DISP3: variants seen among roughly 807,000 people sequenced by gnomAD.
The protein encoded by DISP3 is protein dispatched homolog 3.
DISP3 carries 101 observed loss-of-function variants against 135.3 expected under a neutral mutation model. The ratio of observed to expected loss-of-function variants is 0.75; its 90% CI spans 0.64 to 0.88. The LOEUF is 0.88. Among genes scored for constraint, DISP3 ranks in the 40% least tolerant of loss-of-function variants. The pLI, the probability that DISP3 is intolerant of heterozygous loss-of-function variation, is 0.00. For synonymous variants in DISP3, 856 were observed against 817.0 expected (o/e 1.05, Z -0.81); for missense variants, 1,713 against 1,878.6 (o/e 0.91, Z 1.63).
At position 11,531,463 on chromosome 1, in the gene DISP3, T is replaced by G. The variant is rs905480525; in HGVS notation, c.3230-102T>G. ...TGCCGTTGCCAATGGTTACAAGCAC[T>G]CTAAGCCTCAGAGGTATGTGAGTGC... On this transcript the variant is annotated intron_variant, in intron 16 of 20. Transcript: ENST00000294484. The surrounding 1 kb of genome is among the most constrained non-coding windows in gnomAD (Gnocchi z 5.2). 30 of 1,538,838 alleles carry G rather than the reference T, an allele frequency of 1.9e-5. No homozygotes were observed. The Admixed American group carries it at 3.4e-4, about 18-fold the overall frequency.
At chr1:11,493,426 T>G (rs1039931699) in intron 1 of DISP3, among the ~76,000 whole-genome samples, 2 of 152,196 alleles carry the variant, frequency 1.3e-5, no homozygotes, top group African/African-American at 4.8e-5. Flanking sequence ...TGTGTACTGA[T>G]GCTGATCTTA....
intron 1 of DISP3, among the ~76,000 whole-genome samples, chr1:11,490,561 G>C (rs1370637020): frequency 2.6e-5 from 4 of 152,198 alleles, no homozygotes; most frequent in Non-Finnish European, 4.4e-5. Context: ...GAGCCACCGT[G>C]ACCGGCCATG....
chr1:11,515,851 G>A (rs1189935148), intron 5 of DISP3, 150 bp from the exon 6 acceptor site: 11 of 943,736 alleles, frequency 1.2e-5, no homozygotes, highest in Admixed American at 1.1e-4. Flanking sequence ...GAGCCAATCA[G>A]AGGGGTCTCT....
chr1:11,502,685 G>A lies in DISP3; in HGVS notation c.1104G>A (p.Leu368=). 1 of 1,613,858 alleles carries A rather than the reference G, an allele frequency of 6.2e-7. No homozygotes were observed. The highest frequency in any genetic ancestry group is 8.5e-7 in the Non-Finnish European group (1 of 1,179,878). ...GQDLADIRGS[L]ELAMTHPEFY... is the part of the protein sequence containing the mutation. ...CCACCCCTGTCCTTGCAGGCTCCCT[G>A]GAGCTGGCCATGACTCACCCTGAGT... Residue 368 remains leucine, a synonymous_variant, in exon 3 of 21, where the codon CTG becomes CTA. Coordinates refer to ENST00000294484, the MANE Select transcript of DISP3 (RefSeq NM_020780.2).
rs1642139567 is a variant in DISP3, at chr1:11,520,076, G to A, written c.2200+196G>A. Among the ~76,000 whole-genome samples the A allele has an allele frequency of 6.6e-6, 1 of 152,206 alleles. No individual in the cohort carries two copies. The highest frequency in any genetic ancestry group is 2.1e-4 in the South Asian group (1 of 4,832). On this transcript the variant is annotated intron_variant, in intron 9 of 20. Transcript: ENST00000294484. The surrounding 1 kb of genome is among the most constrained non-coding windows in gnomAD (Gnocchi z 4.8). ...GCTGTTACTCATTGGCCCCTGCTGT[G>A]TGCCAGCCACTCACACTGGGCAGTA...
chr1:11,532,040 C>G (rs1437848254), intron 17 of DISP3, among the ~76,000 whole-genome samples: 3 of 152,188 alleles, frequency 2.0e-5, no homozygotes, highest in Non-Finnish European at 4.4e-5. Context: ...GGATGCCCCC[C>G]TCTGCCACTG....
Position 11,536,282 on chromosome 1 carries a change from C to G in DISP3, c.3817-42C>G, listed in dbSNP as rs768125633. On this transcript the variant is annotated intron_variant, in intron 20 of 20. Transcript: ENST00000294484. This position sits in a 1 kb window ranked among gnomAD's most constrained non-coding sequence, Gnocchi z 4.3. ...TTCCCCAGGTGCTGGCCAGAGGGGT[C>G]CCGCAGGCAGGCTGGGCTCCCAGCT... 4.1e-5 allele frequency: 65 copies of G among 1,568,850 alleles called. No homozygotes were observed. The highest frequency in any genetic ancestry group is 5.4e-5 in the Non-Finnish European group (63 of 1,164,398).
chr1:11,523,062 A>C (rs1642293667), intron 10 of DISP3, among the ~76,000 whole-genome samples: 1 of 152,206 alleles, frequency 6.6e-6, no homozygotes, highest in Non-Finnish European at 1.5e-5. Flanking sequence ...AGAGTACAGC[A>C]GAGTGCTTCG....
chr1:11,523,887 C>T, intron 10 of DISP3, 55 bp from the exon 11 acceptor site: 2 of 1,462,816 alleles, frequency 1.4e-6, no homozygotes, highest in African/African-American at 1.4e-5. Flanking sequence ...GCCCATCGGG[C>T]CCAGGCCAGG....
rs1385350334 is a variant in DISP3 at position 11,520,304 on chromosome 1, C to T, written c.2201-383C>T. On this transcript the variant is annotated intron_variant, in intron 9 of 20. Transcript: ENST00000294484. The surrounding 1 kb of genome is among the most constrained non-coding windows in gnomAD (Gnocchi z 4.8). ...ATAAAGACCTCAGCCCAGCGCGTGGCGTGCGGTAAGTGCTCAGTGAATGTC... is the reference window on the plus strand; with the variant it reads ...ATAAAGACCTCAGCCCAGCGCGTGGTGTGCGGTAAGTGCTCAGTGAATGTC... Among the ~76,000 whole-genome samples, 1 of 152,196 alleles carries T rather than the reference C, an allele frequency of 6.6e-6. No homozygotes were observed. Among genetic ancestry groups the T allele is most frequent in the African/African-American group, 2.4e-5 (1 of 41,446 alleles).
In DISP3 at chr1:11,537,277, C is replaced by G. The variant is rs1235122251; in HGVS notation, c.*591C>G. ...CGGCCAGTGCTGAATGGCCCTGTGGCCCTCCCTGGGCCTTTTGGTCTTGGC... is the reference window on the plus strand; with the variant it reads ...CGGCCAGTGCTGAATGGCCCTGTGGGCCTCCCTGGGCCTTTTGGTCTTGGC... On this transcript the variant is annotated 3_prime_UTR_variant, in exon 21 of 21. Transcript: ENST00000294484. 4.1e-5 allele frequency: 6 copies of G among 144,770 alleles called. No homozygotes were observed. Among genetic ancestry groups the G allele is most frequent in the African/African-American group, 1.5e-4 (6 of 39,910 alleles). 9.0% of individuals were successfully genotyped at this position (144,770 alleles called of 1,614,324 possible).
In DISP3 at chr1:11,516,240, C is replaced by A; in HGVS notation, c.1749+79C>A. 1 of 1,526,896 alleles carries A rather than the reference C, an allele frequency of 6.5e-7. No individual in the cohort carries two copies. The highest frequency in any genetic ancestry group is 8.9e-7 in the Non-Finnish European group (1 of 1,120,718). The allele number at this position is 1,526,896 out of a possible 1,614,324, so 94.6% of individuals were successfully genotyped here. A position where few individuals can be genotyped will look rare whatever the true frequency, so the allele number is the denominator to read the frequency against. On this transcript the variant is annotated intron_variant, in intron 6 of 20. Transcript: ENST00000294484. This position sits in a 1 kb window ranked among gnomAD's most constrained non-coding sequence, Gnocchi z 5.1. Reference sequence around the variant, plus strand: ...TAGCCGCTGGTCTCTGCCCTTCCCACCACCGCTTGAGTGGCCATATAGCCT... The same window carrying A: ...TAGCCGCTGGTCTCTGCCCTTCCCAACACCGCTTGAGTGGCCATATAGCCT...
At position 11,519,474 on chromosome 1, in the gene DISP3, T is replaced by C. The variant is rs562047658; in HGVS notation, c.2009T>C (p.Ile670Thr). ...CCCATACCCTACCTGGATGATGACATCCCCTTGCTGGAGGTCGAGGAAGAG... is the reference window on the plus strand; with the variant it reads ...CCCATACCCTACCTGGATGATGACACCCCCTTGCTGGAGGTCGAGGAAGAG... ...QGPIPYLDDD[I>T]PLLEVEEEPV... Residue 670 changes from isoleucine (I) to threonine (T), a missense_variant, in exon 8 of 21, where the codon ATC (isoleucine) becomes ACC (threonine). By Grantham distance (89) the Ile-to-Thr change is moderately conservative. Transcript: ENST00000294484. This position sits in a 1 kb window ranked among gnomAD's most constrained non-coding sequence, Gnocchi z 4.3. 3.1e-6 allele frequency: 5 copies of C among 1,613,610 alleles called. No individual in the cohort carries two copies. The highest frequency in any genetic ancestry group is 2.2e-5 in the East Asian group (1 of 44,864).
intron 3 of DISP3, among the ~76,000 whole-genome samples, chr1:11,512,674 T>TG (rs1641888428): frequency 6.6e-6 from 1 of 152,218 alleles, no homozygotes; most frequent in Admixed American, 6.5e-5. Context: ...AATCTCTGCC[T>TG]GTTACCCAGT....
At chr1:11,487,348 C>G (rs1641065635) in intron 1 of DISP3, among the ~76,000 whole-genome samples, 1 of 152,164 alleles carries the variant, frequency 6.6e-6, no homozygotes, top group Non-Finnish European at 1.5e-5. Flanking sequence ...GGAGAACGGG[C>G]AGCTACATGG....
In DISP3 at chr1:11,531,154, C is replaced by T. The variant is rs1247396105; in HGVS notation, c.3229+121C>T. 4.1e-6 allele frequency: 6 copies of T among 1,463,954 alleles called. No individual in the cohort carries two copies. In the Admixed American group the frequency reaches 9.3e-5, roughly 23 times the overall value. The allele number at this position is 1,463,954 out of a possible 1,614,324, so 90.7% of individuals were successfully genotyped here. ...GTGTCTGGCATGTGGGGGTCTTTTG[C>T]AGATGTGTATCTGTGCTGAGCATGT... On this transcript the variant is annotated intron_variant, in intron 16 of 20. Coordinates refer to ENST00000294484, the MANE Select transcript of DISP3 (RefSeq NM_020780.2). The surrounding 1 kb of genome is among the most constrained non-coding windows in gnomAD (Gnocchi z 5.2).
Position 11,515,300 on chromosome 1 carries a change from G to A in DISP3, c.1454-69G>A, listed in dbSNP as rs6675332. Reference sequence around the variant, plus strand: ...AGAGACAGGACCCAGCTGAGGTCAGGGACTCTAGTGGGGTTTGTGTCCCAT... The same window carrying A: ...AGAGACAGGACCCAGCTGAGGTCAGAGACTCTAGTGGGGTTTGTGTCCCAT... On this transcript the variant is annotated intron_variant, in intron 4 of 20. Coordinates refer to ENST00000294484, the MANE Select transcript of DISP3 (RefSeq NM_020780.2). The A allele has an allele frequency of 8.8e-3, 13,950 of 1,578,034 alleles. 945 individuals carry two copies. In the African/African-American group the frequency reaches 0.16, roughly 18 times the overall value.
chr1:11,515,927 T>C, intron 5 of DISP3, 74 bp from the exon 6 acceptor site: 1 of 1,551,390 alleles, frequency 6.4e-7, no homozygotes. Flanking sequence ...TCACACTTGG[T>C]CTAGGGCCAG....
At chr1:11,480,873 C>A (rs761757035) in intron 1 of DISP3, among the ~76,000 whole-genome samples, 32 of 152,006 alleles carry the variant, frequency 2.1e-4, no homozygotes, top group Admixed American at 4.6e-4. Context: ...TGGACAGGTG[C>A]CTTACAGAAT....
Sources: gnomAD v4.1 joint callset for allele counts (sites outside exome capture counted in the v4.1 genomes callset) on GRCh38, gnomAD v4.1.1 for gene constraint, Gnocchi (gnomAD v3.1) non-coding constraint, MANE v1.5 for transcripts, NCBI Gene and HGNC (gene_info 2026-07-23, HGNC 2026-07-21) for gene names.